The following CTNNBL1 variants were observed in gnomAD, a reference collection of about 807,000 sequenced individuals.
The protein encoded by CTNNBL1 is catenin beta like 1, also known as beta-catenin-like protein 1.
A neutral mutation model predicts 72.7 loss-of-function variants in CTNNBL1; 31 were observed. The ratio of observed to expected loss-of-function variants is 0.43; its 90% CI spans 0.32 to 0.58. The LOEUF is 0.58. Ranked by LOEUF, CTNNBL1 falls within the 20% of genes least tolerant of loss-of-function variation. The pLI, the probability that CTNNBL1 is intolerant of heterozygous loss-of-function variation, is 0.08. For missense variants in CTNNBL1, 534 were observed against 725.1 expected (o/e 0.74, Z 3.03); for synonymous variants, 240 against 267.3 (o/e 0.90, Z 1.00).
chr20:37,769,424 C>G (rs1271171860), intron 7 of CTNNBL1, among the ~76,000 whole-genome samples: 2 of 152,168 alleles, frequency 1.3e-5, no homozygotes, highest in African/African-American at 4.8e-5. Flanking sequence ...ATAGTGAAAA[C>G]TGGTATTATT....
intron 13 of CTNNBL1, chr20:37,847,753 CA>C (rs1419768128): frequency 6.6e-6 from 1 of 152,554 alleles, no homozygotes; most frequent in African/African-American, 2.4e-5. Flanking sequence ...AAATTATACT[CA>C]GCAGGTTTGT....
intron 4 of CTNNBL1, among the ~76,000 whole-genome samples, chr20:37,757,280 C>T (rs1160087203): frequency 6.6e-6 from 1 of 152,156 alleles, no homozygotes; most frequent in Non-Finnish European, 1.5e-5. Context: ...AGTGACTTCC[C>T]AGGCGATCTA....
chr20:37,708,627 A>C (rs1027409680), intron 1 of CTNNBL1, among the ~76,000 whole-genome samples: 8 of 152,220 alleles, frequency 5.3e-5, no homozygotes, highest in Non-Finnish European at 1.2e-4. Context: ...GTTTTAGCCT[A>C]AACTTTAGAA....
intron 7 of CTNNBL1, among the ~76,000 whole-genome samples, chr20:37,774,353 C>G (rs746221198): frequency 6.6e-6 from 1 of 152,136 alleles, no homozygotes; most frequent in Non-Finnish European, 1.5e-5. Flanking sequence ...AGCCTGTGAG[C>G]ATTGGGCCTT....
chr20:37,863,598 T>A (rs2072510596), intron 15 of CTNNBL1, among the ~76,000 whole-genome samples: 1 of 152,118 alleles, frequency 6.6e-6, no homozygotes, highest in African/African-American at 2.4e-5. Flanking sequence ...GGGAGGACTA[T>A]AGCCCCTTCA....
intron 1 of CTNNBL1, among the ~76,000 whole-genome samples, chr20:37,710,457 A>G (rs778742806): frequency 3.9e-5 from 6 of 152,112 alleles, no homozygotes; most frequent in Non-Finnish European, 7.4e-5. Flanking sequence ...GAACTGCAAA[A>G]CTTTTTAGAG....
At chr20:37,721,719 T>A (rs1250615375) in intron 1 of CTNNBL1, among the ~76,000 whole-genome samples, 1 of 152,248 alleles carries the variant, frequency 6.6e-6, no homozygotes, top group Non-Finnish European at 1.5e-5. Flanking sequence ...AATTTGGTGA[T>A]TATTATTCTC....
intron 7 of CTNNBL1, among the ~76,000 whole-genome samples, chr20:37,774,422 G>A (rs2073555827): frequency 6.6e-6 from 1 of 152,128 alleles, no homozygotes; most frequent in Non-Finnish European, 1.5e-5. Flanking sequence ...CTGCTTTTAG[G>A]TTCTGAAGCA....
intron 4 of CTNNBL1, among the ~76,000 whole-genome samples, chr20:37,756,805 T>G (rs1314701083): frequency 7.4e-6 from 1 of 134,954 alleles, no homozygotes; most frequent in Admixed American, 7.1e-5. Flanking sequence ...GCCTGGCTGA[T>G]TTTTTTTTTT....
chr20:37,737,435 T>A lies in CTNNBL1; in HGVS notation c.277T>A (p.Ser93Thr). 2 of 1,613,702 alleles carry A rather than the reference T, an allele frequency of 1.2e-6. No individual in the cohort carries two copies. Among genetic ancestry groups the A allele is most frequent in the Non-Finnish European group, 1.7e-6 (2 of 1,179,768 alleles). The change falls in exon 3 of 16, where the codon TCA (serine) becomes ACA (threonine). Residue 93 changes from serine to threonine, a missense_variant. Transcript: ENST00000361383. ...KKMILTFEKR[S>T]YKNQELRIKF... is the part of the protein sequence containing the mutation. ...AATGATCCTCACATTTGAAAAGAGA[T>A]CATATAAAAACCAAGAATTGCGGAT...
At chr20:37,806,429 A>G (rs2071960916) in intron 11 of CTNNBL1, among the ~76,000 whole-genome samples, 1 of 152,260 alleles carries the variant, frequency 6.6e-6, no homozygotes, top group South Asian at 2.1e-4. Flanking sequence ...TTTGTAAACT[A>G]GAAAGAGACA....
At chr20:37,723,933 A>T (rs1486068964) in intron 1 of CTNNBL1, among the ~76,000 whole-genome samples, 1 of 152,212 alleles carries the variant, frequency 6.6e-6, no homozygotes, top group Admixed American at 6.5e-5. Context: ...CAGAAGTCCT[A>T]GTTGTAAAAT....
chr20:37,697,720 C>T (rs2072806174), intron 1 of CTNNBL1, among the ~76,000 whole-genome samples: 3 of 152,178 alleles, frequency 2.0e-5, no homozygotes, highest in South Asian at 4.1e-4. Context: ...AAACTAGAAT[C>T]CTGGTCTCCT....
Position 37,748,960 on chromosome 20 carries a change from G to A in CTNNBL1, c.466+2353G>A, listed in dbSNP as rs141232574. ...TGGTGTTCACAGACTCAGTGACTAC[G>A]AGTTCTGGTTGTTACTTCACATTTC... On this transcript the variant is annotated intron_variant, in intron 4 of 15. Coordinates refer to ENST00000361383, the MANE Select transcript of CTNNBL1 (RefSeq NM_030877.5). Among the ~76,000 whole-genome samples, 431 of 152,336 alleles carry A rather than the reference G, an allele frequency of 2.8e-3. 5 individuals are homozygous for A. The highest frequency in any genetic ancestry group is 0.017 in the East Asian group (90 of 5,190).
At chr20:37,716,868 G>C (rs1448885252) in intron 1 of CTNNBL1, among the ~76,000 whole-genome samples, 1 of 152,234 alleles carries the variant, frequency 6.6e-6, no homozygotes, top group East Asian at 1.9e-4. Flanking sequence ...TGAAATAAAT[G>C]TGGCAGCTAT....
At chr20:37,772,155 C>T (rs974846622) in intron 7 of CTNNBL1, among the ~76,000 whole-genome samples, 2 of 152,186 alleles carry the variant, frequency 1.3e-5, no homozygotes, top group African/African-American at 4.8e-5. Flanking sequence ...CTCCAAATAT[C>T]TCTAAATTTT....
intron 6 of CTNNBL1, among the ~76,000 whole-genome samples, chr20:37,767,209 G>A (rs1162278759): frequency 1.3e-5 from 2 of 152,146 alleles, no homozygotes; most frequent in Admixed American, 1.3e-4. Context: ...GATTGGAAGG[G>A]GGGCTGAAAG....
At chr20:37,789,972 G>GCC (rs1470838739) in intron 10 of CTNNBL1, among the ~76,000 whole-genome samples, 1 of 152,120 alleles carries the variant, frequency 6.6e-6, no homozygotes, top group East Asian at 1.9e-4. Context: ...AACCCATCTT[G>GCC]GTTATTAACT....
intron 3 of CTNNBL1, among the ~76,000 whole-genome samples, chr20:37,738,113 C>A (rs2073185153): frequency 6.6e-6 from 1 of 152,202 alleles, no homozygotes. Flanking sequence ...CTGCATTATT[C>A]TTTTCAGTGC....
Sources: gnomAD v4.1 joint callset for allele counts (sites outside exome capture counted in the v4.1 genomes callset) on GRCh38, gnomAD v4.1.1 for gene constraint, MANE v1.5 for transcripts, NCBI Gene and HGNC (gene_info 2026-07-23, HGNC 2026-07-21) for gene names.